The following RALGAPA2 variants were observed in gnomAD, a reference collection of about 807,000 sequenced individuals.
The protein encoded by RALGAPA2 is Ral GTPase activating protein catalytic subunit alpha 2, also known as ral GTPase-activating protein subunit alpha-2.
RALGAPA2 carries 139 observed loss-of-function variants against 230.4 expected under a neutral mutation model. The observed-to-expected ratio is 0.60, with a 90% CI of 0.53 to 0.69. The LOEUF (loss-of-function observed/expected upper bound fraction) is 0.69, where lower values mean the gene tolerates loss of function less well. Among genes scored for constraint, RALGAPA2 ranks in the 30% least tolerant of loss-of-function variants. The pLI is 0.00. For synonymous variants in RALGAPA2, 847 were observed against 837.8 expected (o/e 1.01, Z -0.19); for missense variants, 2,163 against 2,276.0 (o/e 0.95, Z 1.01).
chr20:20,622,647 A>T (rs2146360765), intron 10 of RALGAPA2, among the ~76,000 whole-genome samples: 1 of 152,342 alleles, frequency 6.6e-6, no homozygotes, highest in East Asian at 1.9e-4. Flanking sequence ...TTTTCAGATG[A>T]GAAAATTTGC....
At chr20:20,623,512 AAAAC>A (rs1568663932) in intron 10 of RALGAPA2, among the ~76,000 whole-genome samples, 1 of 152,044 alleles carries the variant, frequency 6.6e-6, no homozygotes, top group Admixed American at 6.5e-5. Flanking sequence ...AAAAAAAAAA[AAAAC>A]AAATCCACAA....
intron 20 of RALGAPA2, among the ~76,000 whole-genome samples, chr20:20,579,323 A>G (rs2064914643): frequency 6.6e-6 from 1 of 152,210 alleles, no homozygotes; most frequent in Admixed American, 6.5e-5. Context: ...CTGTCCTGCA[A>G]TATTCTCGGA....
chr20:20,598,392 G>C (rs2065528149), intron 16 of RALGAPA2, among the ~76,000 whole-genome samples: 1 of 152,078 alleles, frequency 6.6e-6, no homozygotes. Context: ...ACACACTAAG[G>C]CAGGCATCAC....
intron 31 of RALGAPA2, among the ~76,000 whole-genome samples, chr20:20,517,644 AC>A (rs1476513066): frequency 6.6e-6 from 1 of 152,148 alleles, no homozygotes; most frequent in African/African-American, 2.4e-5. Context: ...AATTGCCCAC[AC>A]CCCGAGTACA....
Position 20,601,696 on chromosome 20 carries a change from C to A in RALGAPA2, c.2189G>T (p.Arg730Leu), listed in dbSNP as rs200006454. The change falls in exon 16 of 40, where the codon CGC becomes CTC. Residue 730 changes from arginine (R) to leucine (L), a missense_variant. By Grantham distance (102) the Arg-to-Leu change is moderately radical. Transcript: ENST00000202677. ...PGVEKARNIVRQKATEVEECQ... is the reference protein window; with the variant it reads ...PGVEKARNIVLQKATEVEECQ... ...TAAATGTTTACCAGTTGCTTTTTGG[C>A]GAACAATATTTCTTGCCTTTTCCAC... 3 of 1,608,982 alleles carry A rather than the reference C, an allele frequency of 1.9e-6. No homozygotes were observed. The highest frequency in any genetic ancestry group is 1.1e-5 in the South Asian group (1 of 89,714).
chr20:20,616,452 C>A (rs910672150), intron 12 of RALGAPA2, among the ~76,000 whole-genome samples: 11 of 152,062 alleles, frequency 7.2e-5, no homozygotes, highest in Admixed American at 1.3e-4. Context: ...ATATTAATTG[C>A]AACTACAGAA....
chr20:20,574,262 A>G (rs1381378715), intron 20 of RALGAPA2, among the ~76,000 whole-genome samples: 3 of 152,224 alleles, frequency 2.0e-5, no homozygotes, highest in Non-Finnish European at 4.4e-5. Flanking sequence ...TGGGCTGTGC[A>G]GCTCTGTGGG....
At chr20:20,633,751 T>C (rs2066765340) in intron 9 of RALGAPA2, among the ~76,000 whole-genome samples, 1 of 152,234 alleles carries the variant, frequency 6.6e-6, no homozygotes, top group South Asian at 2.1e-4. Context: ...GTGCTGGGAA[T>C]ACAGGTGTGA....
At chr20:20,708,232 G>C (rs887490435) in intron 1 of RALGAPA2, among the ~76,000 whole-genome samples, 1 of 151,966 alleles carries the variant, frequency 6.6e-6, no homozygotes, top group Non-Finnish European at 1.5e-5. Context: ...TTAACATGTG[G>C]TCACTAAAAA....
At chr20:20,611,263 C>CA in intron 14 of RALGAPA2, 52 bp downstream of exon 14, 1 of 1,536,384 alleles carries the variant, frequency 6.5e-7, no homozygotes, top group South Asian at 1.3e-5. Flanking sequence ...TAGTTTGCTA[C>CA]AAAATCTGAT....
chr20:20,583,060 T>C lies in RALGAPA2; in HGVS notation c.2697A>G (p.Ser899=), dbSNP rs1230471144. The change falls in exon 20 of 40, where the codon TCA becomes TCG. Residue 899 remains serine, a synonymous_variant. Transcript: ENST00000202677. ...HWLQLSPTDA[S]NLTDSSECLT... The stretch of plus-strand genomic sequence containing the variant: ...CAAAATGCAATTTACCTGTTAAATT[T>C]GAAGCATCGGTGGGACTCAGTTGTA... 2 of 1,612,790 alleles carry C rather than the reference T, an allele frequency of 1.2e-6. No individual in the cohort carries two copies. The highest frequency in any genetic ancestry group is 1.7e-5 in the Admixed American group (1 of 59,786).
In RALGAPA2 at chr20:20,619,391, A is replaced by G; in HGVS notation, c.1425T>C (p.His475=). The G allele has an allele frequency of 3.1e-6, 5 of 1,606,002 alleles. No individual in the cohort carries two copies. The South Asian group carries it at 5.6e-5, about 18-fold the overall frequency. Residue 475 remains histidine (H), a synonymous_variant, in exon 12 of 40, where the codon CAT becomes CAC. Transcript: ENST00000202677. ...SKEASSESSG[H]KRSSSWGRTY... is the part of the protein sequence containing the mutation. ...TGCGTCCCCAACTGGAAGATCGTTT[A>G]TGACCAGAACTTTCAGATGAGGCCT...
Position 20,583,020 on chromosome 20 carries a change from T to C in RALGAPA2, c.2707+30A>G, listed in dbSNP as rs769126656. The C allele has an allele frequency of 1.9e-6, 3 of 1,602,874 alleles. No individual in the cohort carries two copies. In the African/African-American group the frequency reaches 4.0e-5, roughly 21 times the overall value. On this transcript the variant is annotated intron_variant, in intron 20 of 39. Transcript: ENST00000202677. Reference sequence around the variant, plus strand: ...ACAACTGATCTCCCAGCTGTTTGCATTAGTGCCTCTTTTTCAAAATGCAAT... The same window carrying C: ...ACAACTGATCTCCCAGCTGTTTGCACTAGTGCCTCTTTTTCAAAATGCAAT...
At chr20:20,651,480 C>A (rs774237869) in intron 4 of RALGAPA2, among the ~76,000 whole-genome samples, 1 of 152,146 alleles carries the variant, frequency 6.6e-6, no homozygotes, top group South Asian at 2.1e-4. Context: ...TATTAGATGG[C>A]TCAGGAAACT....
intron 3 of RALGAPA2, among the ~76,000 whole-genome samples, chr20:20,668,335 G>A (rs557127314): frequency 2.0e-5 from 3 of 152,178 alleles, no homozygotes; most frequent in East Asian, 1.9e-4. Context: ...CCCATGAGGC[G>A]GAGGTTGCAG....
At chr20:20,499,799 T>C (rs551111305) in intron 35 of RALGAPA2, among the ~76,000 whole-genome samples, 41 of 152,362 alleles carry the variant, frequency 2.7e-4, no homozygotes, top group African/African-American at 9.1e-4. Context: ...TTGTCTGTAA[T>C]TGGGCCATGA....
chr20:20,484,337 T>C (rs1191109927), intron 36 of RALGAPA2, among the ~76,000 whole-genome samples: 3 of 152,078 alleles, frequency 2.0e-5, no homozygotes, highest in Non-Finnish European at 4.4e-5. Flanking sequence ...CAGGGTGGGA[T>C]GTGGGAAGGG....
intron 2 of RALGAPA2, among the ~76,000 whole-genome samples, chr20:20,678,920 T>C (rs2068430005): frequency 6.6e-6 from 1 of 152,152 alleles, no homozygotes; most frequent in Admixed American, 6.5e-5. Flanking sequence ...AGGCTGACTC[T>C]ACATGCCTTC....
At chr20:20,505,612 T>A (rs1369208290) in intron 33 of RALGAPA2, 78 bp from the exon 34 acceptor site, 6 of 1,262,376 alleles carry the variant, frequency 4.8e-6, no homozygotes, top group African/African-American at 1.5e-5. Flanking sequence ...ACCACCAGCA[T>A]GACTTCTACC....
Sources: gnomAD v4.1 joint callset for allele counts (sites outside exome capture counted in the v4.1 genomes callset) on GRCh38, gnomAD v4.1.1 for gene constraint, MANE v1.5 for transcripts, NCBI Gene and HGNC (gene_info 2026-07-23, HGNC 2026-07-21) for gene names.